The following KITLG variants were observed in gnomAD, a reference collection of about 807,000 sequenced individuals.
The protein encoded by KITLG is KIT ligand, also known as c-Kit ligand.
Under a neutral mutation model 34.1 loss-of-function variants are expected in KITLG, and 13 were observed. The observed-to-expected ratio is 0.38, with a 90% confidence interval of 0.25 to 0.61. The LOEUF (loss-of-function observed/expected upper bound fraction) is 0.61, where lower values mean the gene tolerates loss of function less well. Among genes scored for constraint, KITLG ranks in the 20% least tolerant of loss-of-function variants. The pLI is 0.60. For synonymous variants in KITLG, 110 were observed against 104.0 expected, an observed-to-expected ratio of 1.06 and a Z score of -0.35; for missense variants, 292 against 318.9, an observed-to-expected ratio of 0.92 and a Z score of 0.64.
chr12:88,514,292 C>T (rs1466017932), intron 6 of KITLG, among the ~76,000 whole-genome samples: 3 of 151,268 alleles, frequency 2.0e-5, no homozygotes, highest in African/African-American at 7.3e-5. Flanking sequence ...AAATGAAACA[C>T]AAAGCAAATG....
chr12:88,573,256 T>C (rs1871716072), intron 1 of KITLG, among the ~76,000 whole-genome samples: 1 of 152,074 alleles, frequency 6.6e-6, no homozygotes, highest in Non-Finnish European at 1.5e-5. Context: ...TCCAGGAGGG[T>C]GACAAGGCCT....
chr12:88,517,181 A>C (rs116577209), intron 4 of KITLG, among the ~76,000 whole-genome samples: 398 of 152,112 alleles, frequency 2.6e-3, no homozygotes, highest in African/African-American at 9.0e-3. Flanking sequence ...AGAGAAGGTT[A>C]ACTACAGCTA....
intron 3 of KITLG, among the ~76,000 whole-genome samples, chr12:88,521,765 T>G (rs1291634408): frequency 1.3e-5 from 2 of 152,182 alleles, no homozygotes; most frequent in Non-Finnish European, 2.9e-5. Context: ...CTGCTTTGAG[T>G]GTAAAAACTT....
intron 1 of KITLG, among the ~76,000 whole-genome samples, chr12:88,552,775 C>A (rs536003794): frequency 6.6e-6 from 1 of 151,270 alleles, no homozygotes; most frequent in African/African-American, 2.4e-5. Context: ...AAAAAAAAAA[C>A]GCTTTTGGAA....
chr12:88,532,786 A>AT (rs1870147392), intron 2 of KITLG, among the ~76,000 whole-genome samples: 1 of 152,136 alleles, frequency 6.6e-6, no homozygotes, highest in Non-Finnish European at 1.5e-5. Context: ...TCTGAATTTC[A>AT]GCTTCCACCT....
At chr12:88,508,327 T>C (rs1393539107) in intron 6 of KITLG, among the ~76,000 whole-genome samples, 1 of 152,140 alleles carries the variant, frequency 6.6e-6, no homozygotes, top group Non-Finnish European at 1.5e-5. Flanking sequence ...GTACCTAGAG[T>C]ACATAATATA....
intron 3 of KITLG, among the ~76,000 whole-genome samples, chr12:88,526,485 T>G (rs893108174): frequency 1.3e-5 from 2 of 152,186 alleles, no homozygotes; most frequent in African/African-American, 2.4e-5. Context: ...TTTCTTCACT[T>G]TCTTTCAGCA....
chr12:88,508,037 A>G lies in KITLG; in HGVS notation c.605-900T>C, dbSNP rs542676925. Reference sequence around the variant, plus strand: ...CCCCGTCTCTACTAAAAATACAAAAATTAGCTGGGTGTGGTGGCGCATGCC... The same window carrying G: ...CCCCGTCTCTACTAAAAATACAAAAGTTAGCTGGGTGTGGTGGCGCATGCC... On this transcript the variant is annotated intron_variant, in intron 6 of 9. Transcript: ENST00000644744. 9.2e-5 allele frequency among the ~76,000 whole-genome samples: 14 copies of G among 152,166 alleles called. No homozygotes were observed. The South Asian group carries it at 2.9e-3, about 32-fold the overall frequency.
chr12:88,580,129 G>T, intron 1 of KITLG, 135 bp downstream of exon 1: 1 of 943,166 alleles, frequency 1.1e-6, no homozygotes, highest in Non-Finnish European at 1.7e-6. Context: ...GGCCTCCCCC[G>T]CATCCTCTTG....
Position 88,518,811 on chromosome 12 carries a change from A to G in KITLG, c.249T>C (p.Asp83=). 2 of 1,613,552 alleles carry G rather than the reference A, an allele frequency of 1.2e-6. No homozygotes were observed. The highest frequency in any genetic ancestry group is 1.7e-6 in the Non-Finnish European group (2 of 1,179,608). ...AAATATTTGAAAACTTGTCCAGAAG[A>G]TCAGTCAAGCTGTCTGACAATTGTA... is the stretch of plus-strand genomic sequence containing the variant. The part of the protein sequence containing the change: ...MVVQLSDSLT[D]LLDKFSNISE... The change falls in exon 4 of 10, where the codon GAT becomes GAC. Residue 83 remains aspartate, a synonymous_variant. Coordinates refer to ENST00000644744, the MANE Select transcript of KITLG (RefSeq NM_000899.5).
intron 2 of KITLG, among the ~76,000 whole-genome samples, chr12:88,543,358 G>A (rs868365707): frequency 9.2e-5 from 14 of 152,050 alleles, no homozygotes; most frequent in South Asian, 2.1e-4. Context: ...GAGAACATGC[G>A]GTGTTTGGTT....
intron 3 of KITLG, among the ~76,000 whole-genome samples, chr12:88,523,011 G>T (rs1371134352): frequency 1.3e-5 from 2 of 152,130 alleles, no homozygotes; most frequent in Non-Finnish European, 2.9e-5. Flanking sequence ...TTCATAAGGA[G>T]TATTCACCCA....
At chr12:88,526,804 G>C (rs1869885282) in intron 3 of KITLG, among the ~76,000 whole-genome samples, 1 of 151,570 alleles carries the variant, frequency 6.6e-6, no homozygotes. Flanking sequence ...GCAAGGAACT[G>C]GTAACGATAA....
intron 1 of KITLG, among the ~76,000 whole-genome samples, chr12:88,575,400 C>T (rs2120993242): frequency 6.6e-6 from 1 of 152,264 alleles, no homozygotes; most frequent in Middle Eastern, 3.4e-3. Flanking sequence ...TGAGCCCCAA[C>T]TATGAGAAAA....
chr12:88,557,856 T>C (rs1472898), intron 1 of KITLG, among the ~76,000 whole-genome samples: 111,518 of 151,966 alleles, frequency 0.73, 45,654 homozygotes, highest in Middle Eastern at 0.92. Context: ...TGAACTACCC[T>C]GATGTACAAG....
At chr12:88,527,613 CTT>C (rs1175594442) in intron 3 of KITLG, among the ~76,000 whole-genome samples, 1 of 152,148 alleles carries the variant, frequency 6.6e-6, no homozygotes, top group Non-Finnish European at 1.5e-5. Context: ...GTGGGAGAAA[CTT>C]TGAGAAGGAG....
At chr12:88,524,880 C>A (rs1357780973) in intron 3 of KITLG, among the ~76,000 whole-genome samples, 4 of 152,114 alleles carry the variant, frequency 2.6e-5, no homozygotes, top group African/African-American at 9.7e-5. Flanking sequence ...CTACAAGTGT[C>A]TATTTGGCTG....
intron 3 of KITLG, among the ~76,000 whole-genome samples, chr12:88,525,847 A>G (rs1193499556): frequency 6.6e-6 from 1 of 152,190 alleles, no homozygotes; most frequent in Non-Finnish European, 1.5e-5. Context: ...ACCTGATCAA[A>G]TGATACATGG....
intron 3 of KITLG, among the ~76,000 whole-genome samples, chr12:88,519,177 A>G (rs1200151233): frequency 6.6e-6 from 1 of 152,108 alleles, no homozygotes; most frequent in Non-Finnish European, 1.5e-5. Flanking sequence ...TTTAAAATTA[A>G]TATTACATTA....
Sources: gnomAD v4.1 joint callset for allele counts (sites outside exome capture counted in the v4.1 genomes callset) on GRCh38, gnomAD v4.1.1 for gene constraint, MANE v1.5 for transcripts, NCBI Gene and HGNC (gene_info 2026-07-23, HGNC 2026-07-21) for gene names.